Variants in NCS1 observed in about 807,000 individuals in gnomAD.
The protein encoded by NCS1 is neuronal calcium sensor 1, also known as frequenin homolog.
In NCS1, 6 loss-of-function variants were observed where a neutral mutation model predicts 28.4. That is an observed-to-expected ratio of 0.21 (90% CI 0.12 to 0.42). The LOEUF is 0.42. Ranked by LOEUF, NCS1 falls within the 10% of genes least tolerant of loss-of-function variation. The pLI, the probability that NCS1 is intolerant of heterozygous loss-of-function variation, is 1.00. For synonymous variants in NCS1, 86 were observed against 99.3 expected (o/e 0.87, Z 0.79); for missense variants, 131 against 241.4 (o/e 0.54, Z 3.03).
intron 2 of NCS1, among the ~76,000 whole-genome samples, chr9:130,203,640 G>A (rs970796329): frequency 1.3e-5 from 2 of 152,184 alleles, no homozygotes; most frequent in Non-Finnish European, 2.9e-5. Context: ...AGGGGACTGG[G>A]GGCTAAGGAG....
At chr9:130,178,989 C>T (rs1275173183) in intron 1 of NCS1, among the ~76,000 whole-genome samples, 4 of 143,210 alleles carry the variant, frequency 2.8e-5, no homozygotes, top group African/African-American at 5.2e-5. Context: ...GGCTGGAGTA[C>T]GGTGGCACGA....
intron 2 of NCS1, among the ~76,000 whole-genome samples, chr9:130,211,396 A>C (rs1353997436): frequency 6.6e-6 from 1 of 151,134 alleles, no homozygotes; most frequent in African/African-American, 2.4e-5. Context: ...CATGCTGAGC[A>C]CCTTGAGTCG....
chr9:130,181,743 G>C lies in NCS1; in HGVS notation c.64+9016G>C, dbSNP rs1219046545. On this transcript the variant is annotated intron_variant, in intron 1 of 7. Transcript: ENST00000372398. This position sits in a 1 kb window ranked among gnomAD's most constrained non-coding sequence, Gnocchi z 5.0. ...GCGGGCCCGGGTGCCTGGTGTGGGT[G>C]TTGCAGGCAGGGCGGGTGCTGCGGG... 6.6e-6 allele frequency among the ~76,000 whole-genome samples: 1 copy of C among 152,192 alleles called. No homozygotes were observed. The highest frequency in any genetic ancestry group is 2.4e-5 in the African/African-American group (1 of 41,450).
In NCS1 at chr9:130,209,010, G is replaced by A. The variant is rs2131142647; in HGVS notation, c.89+8028G>A. On this transcript the variant is annotated intron_variant, in intron 2 of 7. Transcript: ENST00000372398. The surrounding 1 kb of genome is among the most constrained non-coding windows in gnomAD (Gnocchi z 4.4). The stretch of plus-strand genomic sequence containing the variant: ...TAAAACCGGAGGCTACTGGGGGGAA[G>A]GGAAAGGAAGAGGAACCATCTCATG... 6.6e-6 allele frequency among the ~76,000 whole-genome samples: 1 copy of A among 152,294 alleles called. No homozygotes were observed.
At chr9:130,214,218 C>T (rs1416647622) in intron 2 of NCS1, among the ~76,000 whole-genome samples, 1 of 152,182 alleles carries the variant, frequency 6.6e-6, no homozygotes, top group Admixed American at 6.5e-5. Flanking sequence ...AGAGGAGGCC[C>T]GGAGGCCTCA....
At chr9:130,195,546 C>T (rs930530170) in intron 1 of NCS1, among the ~76,000 whole-genome samples, 1 of 152,144 alleles carries the variant, frequency 6.6e-6, no homozygotes, top group Non-Finnish European at 1.5e-5. Context: ...GCTTCAGCCT[C>T]CGTGGTAGCT....
intron 1 of NCS1, among the ~76,000 whole-genome samples, chr9:130,190,057 A>AGAGAGAGAGAGAGAGG (rs1832798153): frequency 6.7e-6 from 1 of 150,164 alleles, no homozygotes; most frequent in African/African-American, 2.5e-5. Flanking sequence ...AGAGAGAGAG[A>AGAGAGAGAGAGAGAGG]GAGAGAGAAT....
At chr9:130,200,522 A>T (rs7037407) in intron 1 of NCS1, 1,305,302 of 1,538,990 alleles carry the variant, frequency 0.85, 554,671 homozygotes, top group East Asian at 0.95. Context: ...AGCTCCCCCC[A>T]CCCCCCCACA....
At chr9:130,196,007 G>A (rs544744284) in intron 1 of NCS1, among the ~76,000 whole-genome samples, 1 of 152,338 alleles carries the variant, frequency 6.6e-6, no homozygotes, top group Non-Finnish European at 1.5e-5. Context: ...GAGGCTCTGG[G>A]AGGAGGGGGA....
intron 2 of NCS1, among the ~76,000 whole-genome samples, chr9:130,217,215 C>T (rs1032528332): frequency 6.6e-6 from 1 of 152,190 alleles, no homozygotes; most frequent in Admixed American, 6.5e-5. Flanking sequence ...GCGTCAGCCA[C>T]GTAGGGATCT....
Position 130,180,076 on chromosome 9 carries a change from C to T in NCS1, c.64+7349C>T, listed in dbSNP as rs1336177151. Among the ~76,000 whole-genome samples, 1 of 151,844 alleles carries T rather than the reference C, an allele frequency of 6.6e-6. No individual in the cohort carries two copies. The highest frequency in any genetic ancestry group is 1.5e-5 in the Non-Finnish European group (1 of 68,008). On this transcript the variant is annotated intron_variant, in intron 1 of 7. Transcript: ENST00000372398. This position sits in a 1 kb window ranked among gnomAD's most constrained non-coding sequence, Gnocchi z 4.5. ...CGAGATGGAATCTCACTTCCGTCACCCAGGCTAGAGTGCAGTGGCGCGATC... is the reference window on the plus strand; with the variant it reads ...CGAGATGGAATCTCACTTCCGTCACTCAGGCTAGAGTGCAGTGGCGCGATC...
At chr9:130,174,093 G>T (rs1832529611) in intron 1 of NCS1, among the ~76,000 whole-genome samples, 1 of 152,336 alleles carries the variant, frequency 6.6e-6, no homozygotes, top group South Asian at 2.1e-4. Context: ...GCAGGTGGGT[G>T]GCCCATTCCA....
At chr9:130,184,971 C>CA (rs781980341) in intron 1 of NCS1, among the ~76,000 whole-genome samples, 142 of 136,110 alleles carry the variant, frequency 1.0e-3, no homozygotes, top group Non-Finnish European at 1.3e-3. Context: ...GACTCCGTCT[C>CA]AAAAAAAAAA....
chr9:130,187,045 G>A (rs1003511317), intron 1 of NCS1, among the ~76,000 whole-genome samples: 2 of 152,180 alleles, frequency 1.3e-5, no homozygotes, highest in African/African-American at 2.4e-5. Context: ...CTGGAGAGGC[G>A]GGGCGGGGGC....
chr9:130,217,903 A>T lies in NCS1; in HGVS notation c.161A>T (p.Gln54Leu). 6.2e-7 allele frequency: 1 copy of T among 1,614,126 alleles called. No individual in the cohort carries two copies. The highest frequency in any genetic ancestry group is 1.1e-5 in the South Asian group (1 of 91,078). ...GCAGGCTTCCAGAAGATCTACAAGC[A>T]ATTCTTCCCGTTCGGAGACCCCACC... is the stretch of plus-strand genomic sequence containing the variant. Reference protein sequence around the residue: ...DAAGFQKIYKQFFPFGDPTKF... With the variant: ...DAAGFQKIYKLFFPFGDPTKF... The change falls in exon 3 of 8, where the codon CAA (glutamine) becomes CTA (leucine). Residue 54 changes from glutamine to leucine, a missense_variant. By Grantham distance (113) the Gln-to-Leu change is moderately radical. Around this residue, in one of 2 missense-constraint regions of NCS1, gnomAD observed 100 missense variants for 210.3 expected, o/e 0.48. Transcript: ENST00000372398.
chr9:130,221,403 TATATATATATAGAGAGAGAGAGAGAG>T (rs1404517945), intron 4 of NCS1, among the ~76,000 whole-genome samples: 1 of 42,302 alleles, frequency 2.4e-5, no homozygotes, highest in Admixed American at 3.2e-4. Context: ...TATATATATA[TATATATATATAGAGAGAGAGAGAGAG>T]AGAGAGAGAG....
rs561620684 is a variant in NCS1 at position 130,227,485 on chromosome 9, C to T, written c.*17+981C>T. On this transcript the variant is annotated intron_variant, in intron 7 of 7. Coordinates refer to ENST00000372398, the MANE Select transcript of NCS1 (RefSeq NM_014286.4). ...TTTGGTAGTTACTAGAAAACAGTTTCCAAAGTGGTTGTGCTGTTTTGCGGT... is the reference window on the plus strand; with the variant it reads ...TTTGGTAGTTACTAGAAAACAGTTTTCAAAGTGGTTGTGCTGTTTTGCGGT... 5.3e-5 allele frequency among the ~76,000 whole-genome samples: 8 copies of T among 152,312 alleles called. No individual in the cohort carries two copies. The South Asian group carries it at 1.7e-3, about 32-fold the overall frequency.
At chr9:130,195,891 T>G (rs1832871794) in intron 1 of NCS1, among the ~76,000 whole-genome samples, 1 of 152,206 alleles carries the variant, frequency 6.6e-6, no homozygotes, top group Admixed American at 6.5e-5. Flanking sequence ...AAGGACTGCC[T>G]GCGTTCCTAC....
At chr9:130,182,763 C>T (rs1832679221) in intron 1 of NCS1, among the ~76,000 whole-genome samples, 1 of 152,230 alleles carries the variant, frequency 6.6e-6, no homozygotes, top group South Asian at 2.1e-4. Flanking sequence ...GGTGCTGGCA[C>T]CACCCCTGCT....
Sources: gnomAD v4.1 joint callset for allele counts (sites outside exome capture counted in the v4.1 genomes callset) on GRCh38, gnomAD v4.1.1 for gene constraint, gnomAD v4.1.1 regional missense constraint, Gnocchi (gnomAD v3.1) non-coding constraint, MANE v1.5 for transcripts, NCBI Gene and HGNC (gene_info 2026-07-23, HGNC 2026-07-21) for gene names.